The following UBE3A variants were observed in gnomAD, a reference collection of about 807,000 sequenced individuals.
UBE3A encodes the protein ubiquitin protein ligase E3A.
In UBE3A, 6 loss-of-function variants were observed where a neutral mutation model predicts 83.4. The observed-to-expected ratio is 0.07, with a 90% confidence interval of 0.04 to 0.14. The LOEUF (loss-of-function observed/expected upper bound fraction) is 0.14. Ranked by LOEUF, UBE3A falls within the 10% of genes least tolerant of loss-of-function variation. UBE3A has a pLI of 1.00. For synonymous variants in UBE3A, 337 were observed against 355.4 expected, an observed-to-expected ratio of 0.95 and a Z score of 0.58; for missense variants, 456 against 1,036.1, an observed-to-expected ratio of 0.44 and a Z score of 7.69.
intron 3 of UBE3A, chr15:25,406,925 A>C (rs1257823118): frequency 1.0e-5 from 3 of 297,730 alleles, no homozygotes; most frequent in Non-Finnish European, 1.2e-5. Context: ...AATGTATTTA[A>C]ATTTTCAATT....
In UBE3A at chr15:25,370,958, G is replaced by A. The variant is rs749178181; in HGVS notation, c.1216C>T (p.Leu406Phe). ...EPIPESSELT[L>F]QELLGEERRN... ...CTTTCTTCTCCCAAAAGTTCCTGAA[G>A]TGTCAGCTCGCTGGACTCAGGGATG... The change falls in exon 6 of 13, where the codon CTT (leucine) becomes TTT (phenylalanine). Residue 406 changes from leucine (L) to phenylalanine (F), a missense_variant. By Grantham distance (22) the Leu-to-Phe change is conservative (BLOSUM62 0). Coordinates refer to ENST00000648336, the MANE Select transcript of UBE3A (RefSeq NM_130839.5). The surrounding 1 kb of genome is among the most constrained non-coding windows in gnomAD (Gnocchi z 4.2). 6.2e-7 allele frequency: 1 copy of A among 1,614,040 alleles called. No homozygotes were observed. The highest frequency in any genetic ancestry group is 8.5e-7 in the Non-Finnish European group (1 of 1,180,004).
In UBE3A at chr15:25,337,698, A is replaced by G. The variant is rs1308985191; in HGVS notation, c.*1439T>C. 7 of 152,150 alleles carry G rather than the reference A, an allele frequency of 4.6e-5. No homozygotes were observed. Among genetic ancestry groups the G allele is most frequent in the African/African-American group, 1.7e-4 (7 of 41,424 alleles). 9.4% of individuals were successfully genotyped at this position (152,150 alleles called of 1,614,324 possible). On this transcript the variant is annotated 3_prime_UTR_variant, in exon 13 of 13. Transcript: ENST00000648336. ...GTTAAAACAATCAGTCAATCAATCA[A>G]TCAATCACCAAGGCACAAGCTCAGC... is the stretch of plus-strand genomic sequence containing the variant.
chr15:25,437,475 C>T (rs1041497333), intron 1 of UBE3A, among the ~76,000 whole-genome samples: 2 of 152,152 alleles, frequency 1.3e-5, no homozygotes, highest in South Asian at 4.1e-4. Flanking sequence ...TAATAATTTG[C>T]TGCTTCTCTC....
In UBE3A at chr15:25,370,798, T is replaced by C; in HGVS notation, c.1376A>G (p.Lys459Arg). ...TTCTACTTTGAAAAAAGTATAATCTTTATCCATTTCTAGAACCTCATTCAG... is the reference window on the plus strand; with the variant it reads ...TTCTACTTTGAAAAAAGTATAATCTCTATCCATTTCTAGAACCTCATTCAG... ...EPLNEVLEMDKDYTFFKVETE... is the reference protein window; with the variant it reads ...EPLNEVLEMDRDYTFFKVETE... The change falls in exon 6 of 13, where the codon AAA becomes AGA. Residue 459 changes from lysine to arginine, a missense_variant. Coordinates refer to ENST00000648336, the MANE Select transcript of UBE3A (RefSeq NM_130839.5). This position sits in a 1 kb window ranked among gnomAD's most constrained non-coding sequence, Gnocchi z 4.2. The C allele has an allele frequency of 1.9e-6, 3 of 1,614,102 alleles. No individual in the cohort carries two copies. The highest frequency in any genetic ancestry group is 2.5e-6 in the Non-Finnish European group (3 of 1,179,980).
At chr15:25,343,015 A>C (rs1489141853) in intron 11 of UBE3A, among the ~76,000 whole-genome samples, 1 of 152,122 alleles carries the variant, frequency 6.6e-6, no homozygotes. Context: ...CTAATGAAAA[A>C]GAGTCTTCAT....
At chr15:25,373,458 A>G (rs2080647475) in intron 5 of UBE3A, 1 of 152,086 alleles carries the variant, frequency 6.6e-6, no homozygotes, top group Non-Finnish European at 1.5e-5. Context: ...GAATGTACCT[A>G]TACTTTTTCC....
chr15:25,433,470 G>A (rs576267923), intron 1 of UBE3A, among the ~76,000 whole-genome samples: 4 of 152,280 alleles, frequency 2.6e-5, no homozygotes, highest in Non-Finnish European at 2.9e-5. Context: ...ACAGGCGTGA[G>A]CCATGGCACT....
intron 4 of UBE3A, among the ~76,000 whole-genome samples, chr15:25,383,018 T>C (rs1247233818): frequency 6.6e-6 from 1 of 152,014 alleles, no homozygotes; most frequent in Admixed American, 6.6e-5. Context: ...CTCAAACTCT[T>C]TGAAAAAACT....
At chr15:25,395,987 G>A (rs901155490) in intron 4 of UBE3A, among the ~76,000 whole-genome samples, 1 of 152,018 alleles carries the variant, frequency 6.6e-6, no homozygotes, top group Non-Finnish European at 1.5e-5. Flanking sequence ...GGCAGATCAC[G>A]AGGTCAGGAG....
At chr15:25,428,009 T>C (rs1199913993) in intron 1 of UBE3A, among the ~76,000 whole-genome samples, 1 of 152,108 alleles carries the variant, frequency 6.6e-6, no homozygotes, top group Non-Finnish European at 1.5e-5. Context: ...CCACATGTTC[T>C]CACTCATACA....
chr15:25,423,230 C>G (rs1183404608), intron 1 of UBE3A, among the ~76,000 whole-genome samples: 1 of 151,716 alleles, frequency 6.6e-6, no homozygotes, highest in Non-Finnish European at 1.5e-5. Flanking sequence ...AGAAATGGAC[C>G]AAAAAACCAG....
chr15:25,417,538 A>G (rs1000856335), intron 1 of UBE3A, among the ~76,000 whole-genome samples: 19 of 152,268 alleles, frequency 1.2e-4, no homozygotes, highest in Middle Eastern at 3.4e-3. Flanking sequence ...CAAGAAATCA[A>G]TAAGTAACCT....
chr15:25,388,398 G>A lies in UBE3A; in HGVS notation c.63-12635C>T, dbSNP rs375255800. Among the ~76,000 whole-genome samples, 407 of 152,240 alleles carry A rather than the reference G, an allele frequency of 2.7e-3. 3 individuals carry two copies. The highest frequency in any genetic ancestry group is 8.2e-3 in the African/African-American group (340 of 41,530). On this transcript the variant is annotated intron_variant, in intron 4 of 12. Transcript: ENST00000648336. Reference sequence around the variant, plus strand: ...ATGACCATACCATAGATGGAGAGAAGTATGTGACAAAATTTAACACCCACT... The same window carrying A: ...ATGACCATACCATAGATGGAGAGAAATATGTGACAAAATTTAACACCCACT...
intron 9 of UBE3A, among the ~76,000 whole-genome samples, chr15:25,355,318 G>T (rs2077070230): frequency 6.6e-6 from 1 of 152,018 alleles, no homozygotes; most frequent in African/African-American, 2.4e-5. Flanking sequence ...AGGAAAATGT[G>T]CTTTGTACCC....
Position 25,416,268 on chromosome 15 carries a change from G to A in UBE3A, c.-164-4297C>T, listed in dbSNP as rs117656589. On this transcript the variant is annotated intron_variant, in intron 1 of 12. Coordinates refer to ENST00000648336, the MANE Select transcript of UBE3A (RefSeq NM_130839.5). Reference sequence around the variant, plus strand: ...CCAAACCAAAAATGATTAAATGTCCGTAACAGCAGATTAAACTATGGCATA... The same window carrying A: ...CCAAACCAAAAATGATTAAATGTCCATAACAGCAGATTAAACTATGGCATA... 2.8e-3 allele frequency among the ~76,000 whole-genome samples: 427 copies of A among 152,244 alleles called. 1 individual carries two copies. Among genetic ancestry groups the A allele is most frequent in the Non-Finnish European group, 4.7e-3 (319 of 68,008 alleles).
intron 4 of UBE3A, among the ~76,000 whole-genome samples, chr15:25,403,972 T>C (rs1473793265): frequency 6.6e-6 from 1 of 152,188 alleles, no homozygotes; most frequent in Non-Finnish European, 1.5e-5. Context: ...TATTGTTTAA[T>C]GGGTACAGAG....
intron 4 of UBE3A, among the ~76,000 whole-genome samples, chr15:25,398,811 AT>A (rs2086356268): frequency 1.4e-5 from 1 of 72,408 alleles, no homozygotes; most frequent in African/African-American, 3.9e-5. Context: ...ATATATATAT[AT>A]ATAAAAATAC....
At chr15:25,438,037 C>T (rs1895678256) in intron 1 of UBE3A, 1 of 152,292 alleles carries the variant, frequency 6.6e-6, no homozygotes, top group African/African-American at 2.4e-5. Context: ...AATCCACCCC[C>T]AAAACCCCAA....
chr15:25,389,621 G>A (rs2083870518), intron 4 of UBE3A, among the ~76,000 whole-genome samples: 1 of 152,208 alleles, frequency 6.6e-6, no homozygotes, highest in South Asian at 2.1e-4. Flanking sequence ...GAGGCTGGGT[G>A]TGGTGGCTCA....
Sources: gnomAD v4.1 joint callset for allele counts (sites outside exome capture counted in the v4.1 genomes callset) on GRCh38, gnomAD v4.1.1 for gene constraint, Gnocchi (gnomAD v3.1) non-coding constraint, MANE v1.5 for transcripts, NCBI Gene and HGNC (gene_info 2026-07-23, HGNC 2026-07-21) for gene names.